The following DARS2 variants were observed in gnomAD, a reference collection of about 807,000 sequenced individuals.
The protein encoded by DARS2 is aspartate--tRNA ligase, mitochondrial.
Under a neutral mutation model 83.0 loss-of-function variants are expected in DARS2, and 63 were observed. The ratio of observed to expected loss-of-function variants is 0.76; its 90% CI spans 0.62 to 0.94. The LOEUF (loss-of-function observed/expected upper bound fraction) is 0.94. DARS2 is among the 40% of genes least tolerant of loss of function. DARS2 has a pLI of 0.00. For synonymous variants in DARS2, 250 were observed against 269.3 expected (o/e 0.93, Z 0.70); for missense variants, 675 against 774.4 (o/e 0.87, Z 1.52).
rs1653905938 is a variant in DARS2, at chr1:173,857,713, A to G, written c.*8A>G. The G allele has an allele frequency of 1.9e-6, 3 of 1,614,136 alleles. No homozygotes were observed. ...GCAGAAAGAGCTCATTGAATCATGCATACCATGCAGAAAGTTGAGCTTTTA... is the reference window on the plus strand; with the variant it reads ...GCAGAAAGAGCTCATTGAATCATGCGTACCATGCAGAAAGTTGAGCTTTTA... On this transcript the variant is annotated 3_prime_UTR_variant, in exon 17 of 17. Coordinates refer to ENST00000649689, the MANE Select transcript of DARS2 (RefSeq NM_018122.5).
rs1465327426 is a variant in DARS2, at chr1:173,826,778, G to A, written c.219G>A (p.Gln73=). The stretch of plus-strand genomic sequence containing the variant: ...AAGTCACCTTGTGTGGATGGATTCA[G>A]TACCGAAGGTAAATTGAGAAAGACA... ...GQEVTLCGWI[Q]YRRQNTFLVL... The change falls in exon 2 of 17, where the codon CAG becomes CAA. Residue 73 remains glutamine, a synonymous_variant. Coordinates refer to ENST00000649689, the MANE Select transcript of DARS2 (RefSeq NM_018122.5). 1 of 1,609,918 alleles carries A rather than the reference G, an allele frequency of 6.2e-7. No homozygotes were observed. The highest frequency in any genetic ancestry group is 1.1e-5 in the South Asian group (1 of 91,006).
At chr1:173,843,095 A>C (rs912539480) in intron 11 of DARS2, among the ~76,000 whole-genome samples, 2 of 152,074 alleles carry the variant, frequency 1.3e-5, no homozygotes, top group Non-Finnish European at 2.9e-5. Context: ...AGGAGTGTGG[A>C]TCATGTTTTC....
chr1:173,831,788 G>A (rs1436377306), intron 5 of DARS2, among the ~76,000 whole-genome samples, 158 bp downstream of exon 5: 1 of 152,134 alleles, frequency 6.6e-6, no homozygotes, highest in East Asian at 1.9e-4. Context: ...ACAACTTCTT[G>A]GCACACTGTC....
chr1:173,827,295 T>A (rs1652618341), intron 2 of DARS2, among the ~76,000 whole-genome samples: 1 of 152,184 alleles, frequency 6.6e-6, no homozygotes, highest in South Asian at 2.1e-4. Context: ...AGAACATTAA[T>A]TCACATGGAA....
chr1:173,833,876 C>T (rs1439143882), intron 6 of DARS2, among the ~76,000 whole-genome samples: 1 of 151,948 alleles, frequency 6.6e-6, no homozygotes, highest in Non-Finnish European at 1.5e-5. Context: ...CCTCCCACCA[C>T]ACCTTCCCAA....
chr1:173,834,435 T>C (rs1652901985), intron 6 of DARS2, 38 bp from the exon 7 acceptor site: 2 of 1,508,012 alleles, frequency 1.3e-6, no homozygotes, highest in Non-Finnish European at 9.2e-7. Flanking sequence ...AAATTTCACA[T>C]TCCTATCTAC....
chr1:173,842,494 A>C (rs1014412285), intron 11 of DARS2, among the ~76,000 whole-genome samples: 8 of 147,802 alleles, frequency 5.4e-5, no homozygotes, highest in Non-Finnish European at 1.2e-4. Flanking sequence ...GTAGAGATGG[A>C]GTTTCACCAT....
At chr1:173,835,341 T>G (rs1026695602) in intron 7 of DARS2, among the ~76,000 whole-genome samples, 18 of 151,398 alleles carry the variant, frequency 1.2e-4, no homozygotes, top group African/African-American at 3.9e-4. Context: ...TCCACCCGCC[T>G]CAGCCTCCCA....
intron 12 of DARS2, among the ~76,000 whole-genome samples, chr1:173,849,127 G>A (rs1421708393): frequency 6.8e-6 from 1 of 147,782 alleles, no homozygotes; most frequent in African/African-American, 2.5e-5. Context: ...GTTTTCTCTG[G>A]GGCTAATTTT....
At chr1:173,829,833 C>T (rs1402486941) in intron 3 of DARS2, among the ~76,000 whole-genome samples, 1 of 152,082 alleles carries the variant, frequency 6.6e-6, no homozygotes, top group Non-Finnish European at 1.5e-5. Context: ...CACTTGAACC[C>T]AGAGGCAGAG....
intron 8 of DARS2, among the ~76,000 whole-genome samples, chr1:173,837,945 TC>T (rs1337980966): frequency 6.6e-5 from 10 of 152,078 alleles, no homozygotes; most frequent in Non-Finnish European, 1.3e-4. Flanking sequence ...CAGCTAATTT[TC>T]GTATTTTTAG....
intron 12 of DARS2, among the ~76,000 whole-genome samples, chr1:173,847,413 G>A (rs772672147): frequency 3.9e-5 from 6 of 151,936 alleles, no homozygotes; most frequent in Admixed American, 6.6e-5. Context: ...CAGTTGATGG[G>A]ACTATTATTA....
At chr1:173,840,105 G>GC (rs1653150080) in intron 10 of DARS2, among the ~76,000 whole-genome samples, 1 of 152,118 alleles carries the variant, frequency 6.6e-6, no homozygotes, top group South Asian at 2.1e-4. Context: ...AATTGGTCCT[G>GC]CCTGGTCTGT....
chr1:173,826,751 AGAAGTCACCTTGTGTG>A lies in DARS2; in HGVS notation c.195_210del (p.Glu65AspfsTer14). 6.2e-7 allele frequency: 1 copy of A among 1,613,748 alleles called. No homozygotes were observed. Among genetic ancestry groups the A allele is most frequent in the Non-Finnish European group, 8.5e-7 (1 of 1,179,882 alleles). On this transcript the variant is annotated frameshift_variant, in exon 2 of 17. Coordinates refer to ENST00000649689, the MANE Select transcript of DARS2 (RefSeq NM_018122.5). LOFTEE classifies it high-confidence loss of function. ...AGTTGCGTTCGTCTCACTTAGGCCA[AGAAGTCACCTTGTGTG>A]GATGGATTCAGTACCGAAGGTAAAT...
chr1:173,852,936 A>G (rs1653727055), intron 13 of DARS2, among the ~76,000 whole-genome samples: 1 of 152,196 alleles, frequency 6.6e-6, no homozygotes, highest in Non-Finnish European at 1.5e-5. Context: ...AATCAGAACG[A>G]CTACCACTCA....
At chr1:173,835,603 T>A (rs2102644201) in intron 7 of DARS2, among the ~76,000 whole-genome samples, 1 of 151,828 alleles carries the variant, frequency 6.6e-6, no homozygotes, top group Non-Finnish European at 1.5e-5. Context: ...AAATCTCTTA[T>A]ATATTAAAAA....
At chr1:173,837,418 A>G (rs1211744002) in intron 8 of DARS2, among the ~76,000 whole-genome samples, 1 of 152,232 alleles carries the variant, frequency 6.6e-6, no homozygotes, top group African/African-American at 2.4e-5. Flanking sequence ...CTTTAAAATT[A>G]TACTTTTTGA....
intron 11 of DARS2, among the ~76,000 whole-genome samples, chr1:173,842,583 G>A (rs1001203823): frequency 5.3e-5 from 8 of 150,464 alleles, no homozygotes; most frequent in Non-Finnish European, 1.0e-4. Flanking sequence ...GATTACAGGC[G>A]TAAGCCACCA....
At chr1:173,850,523 C>T in intron 13 of DARS2, 44 bp downstream of exon 13, 1 of 1,585,672 alleles carries the variant, frequency 6.3e-7, no homozygotes, top group Non-Finnish European at 8.6e-7. Context: ...TGATGCTGAA[C>T]AATGCCTTAC....
Sources: allele counts gnomAD v4.1 joint callset (sites outside exome capture counted in the v4.1 genomes callset), GRCh38; gene constraint gnomAD v4.1.1; transcripts MANE v1.5; gene names NCBI Gene and HGNC (gene_info 2026-07-23, HGNC 2026-07-21).